Variants in SPECC1 observed in about 807,000 individuals in gnomAD.
SPECC1 encodes sperm antigen with calponin homology and coiled-coil domains 1.
In SPECC1, 62 loss-of-function variants were observed where a neutral mutation model predicts 104.1. The observed-to-expected ratio is 0.60, with a 90% CI of 0.49 to 0.74. The LOEUF is 0.74. SPECC1 is among the 30% of genes least tolerant of loss of function. The probability of loss-of-function intolerance (pLI) is 0.00; values close to 1 mark genes in which losing one functional copy is unlikely to be tolerated. For synonymous variants in SPECC1, 513 were observed against 501.6 expected (o/e 1.02, Z -0.30); for missense variants, 1,306 against 1,310.5 (o/e 1.00, Z 0.05).
intron 7 of SPECC1, among the ~76,000 whole-genome samples, chr17:20,240,691 A>G (rs148507611): frequency 6.6e-6 from 1 of 152,198 alleles, no homozygotes; most frequent in African/African-American, 2.4e-5. Context: ...GGTTTATGTC[A>G]TCCACATTCA....
At chr17:20,303,728 G>A (rs1458113518) in intron 13 of SPECC1, among the ~76,000 whole-genome samples, 6 of 151,876 alleles carry the variant, frequency 4.0e-5, no homozygotes, top group Non-Finnish European at 7.4e-5. Flanking sequence ...TTTGACAGGC[G>A]GATCACCTGA....
chr17:20,114,447 C>G (rs1376384975), intron 3 of SPECC1, among the ~76,000 whole-genome samples: 1 of 152,056 alleles, frequency 6.6e-6, no homozygotes, highest in African/African-American at 2.4e-5. Context: ...GCCTTAGCCT[C>G]CCAAAGTGCT....
chr17:20,304,097 C>T (rs933142709), intron 13 of SPECC1, among the ~76,000 whole-genome samples: 80 of 131,346 alleles, frequency 6.1e-4, no homozygotes, highest in Middle Eastern at 4.1e-3. Context: ...CATGACGAAA[C>T]CCCTTCTCTA....
intron 1 of SPECC1, among the ~76,000 whole-genome samples, chr17:20,018,458 A>G (rs1567795614): frequency 6.6e-6 from 1 of 152,220 alleles, no homozygotes; most frequent in Non-Finnish European, 1.5e-5. Flanking sequence ...TGGCGCAGTC[A>G]TAGGTCACTG....
rs58071050 is a variant in SPECC1, at chr17:20,251,224, C to CAAAAAAAAAAAA, written c.2599-2275_2599-2264dup. Among the ~76,000 whole-genome samples the CAAAAAAAAAAAA allele has an allele frequency of 1.5e-3, 74 of 51,006 alleles. 10 individuals are homozygous for CAAAAAAAAAAAA. Among genetic ancestry groups the CAAAAAAAAAAAA allele is most frequent in the African/African-American group, 5.2e-3 (55 of 10,496 alleles). 33.5% of individuals were successfully genotyped at this position (51,006 alleles called of 152,430 possible). A position where few individuals can be genotyped will look rare whatever the true frequency, so the allele number is the denominator to read the frequency against. On this transcript the variant is annotated intron_variant, in intron 9 of 14. Coordinates refer to ENST00000395527, the MANE Select transcript of SPECC1 (RefSeq NM_001243439.2). ...TGGGCGACAGAGTAAGACTCTATCT[C>CAAAAAAAAAAAA]AAAAAAAAAAAAAAAAAGCATATGG...
chr17:20,126,041 T>G (rs775644091), intron 3 of SPECC1, among the ~76,000 whole-genome samples: 6 of 152,180 alleles, frequency 3.9e-5, no homozygotes, highest in Non-Finnish European at 7.3e-5. Flanking sequence ...GTGCCTGTGG[T>G]ATAGACAGTG....
chr17:20,194,321 AC>A (rs59206228), intron 3 of SPECC1, among the ~76,000 whole-genome samples: 37,722 of 151,600 alleles, frequency 0.25, 5,883 homozygotes, highest in African/African-American at 0.45. Context: ...TTCTTTACTT[AC>A]CCCAAGTCAG....
At chr17:20,082,962 G>A (rs905399001) in intron 1 of SPECC1, among the ~76,000 whole-genome samples, 1 of 28,636 alleles carries the variant, frequency 3.5e-5, no homozygotes, top group East Asian at 5.1e-4. Flanking sequence ...TTTGGTGTTC[G>A]TTCGTTCGTT....
intron 3 of SPECC1, among the ~76,000 whole-genome samples, chr17:20,150,996 TC>T (rs945890012): frequency 9.9e-5 from 15 of 152,202 alleles, no homozygotes; most frequent in Non-Finnish European, 1.9e-4. Flanking sequence ...ATCTTTATAT[TC>T]AGTGAAGTTC....
chr17:20,094,527 A>G (rs1319991097), intron 1 of SPECC1, among the ~76,000 whole-genome samples: 1 of 152,062 alleles, frequency 6.6e-6, no homozygotes, highest in African/African-American at 2.4e-5. Flanking sequence ...TTTCATCTCT[A>G]TATTTTTCTC....
chr17:20,119,243 A>T (rs1005364052), intron 3 of SPECC1, among the ~76,000 whole-genome samples: 3 of 152,084 alleles, frequency 2.0e-5, no homozygotes, highest in Admixed American at 6.6e-5. Context: ...TTATTTTTTT[A>T]AATTTATTTT....
chr17:20,217,672 A>G (rs902040243), intron 4 of SPECC1, among the ~76,000 whole-genome samples: 10 of 152,204 alleles, frequency 6.6e-5, no homozygotes, highest in Admixed American at 5.2e-4. Flanking sequence ...GCAAGACTCA[A>G]AAGCCACCTT....
intron 2 of SPECC1, among the ~76,000 whole-genome samples, chr17:20,108,400 C>G (rs1295991697): frequency 2.0e-5 from 3 of 152,118 alleles, no homozygotes; most frequent in Non-Finnish European, 4.4e-5. Context: ...CTATAAAGCT[C>G]ATTGCATGTT....
chr17:20,306,060 G>A lies in SPECC1; in HGVS notation c.3095G>A (p.Ser1032Asn). 1 of 1,613,992 alleles carries A rather than the reference G, an allele frequency of 6.2e-7. No individual in the cohort carries two copies. Among genetic ancestry groups the A allele is most frequent in the Non-Finnish European group, 8.5e-7 (1 of 1,179,982 alleles). The stretch of plus-strand genomic sequence containing the variant: ...TTGTTGGCATTTGAAGCGGCTGAAA[G>A]TGTAGGCATCAAACCCAGCCTGGTA... ...NLLLAFEAAE[S>N]VGIKPSLELS... The change falls in exon 14 of 15, where the codon AGT (serine) becomes AAT (asparagine). Residue 1032 changes from serine (S) to asparagine (N), a missense_variant. This residue lies in a region of SPECC1 where 129 missense variants were observed against 170.6 expected (regional missense o/e 0.76). Coordinates refer to ENST00000395527, the MANE Select transcript of SPECC1 (RefSeq NM_001243439.2).
At chr17:20,135,373 G>A (rs758852881) in intron 3 of SPECC1, among the ~76,000 whole-genome samples, 2 of 152,144 alleles carry the variant, frequency 1.3e-5, no homozygotes, top group Non-Finnish European at 2.9e-5. Context: ...ATCCCAAAAG[G>A]CAGCCCCTTT....
intron 1 of SPECC1, among the ~76,000 whole-genome samples, chr17:20,075,803 T>TC: frequency 6.6e-6 from 1 of 152,042 alleles, no homozygotes; most frequent in South Asian, 2.1e-4. Context: ...AAACACAAGC[T>TC]AAGTGTGGCG....
chr17:20,304,950 A>G lies in SPECC1; in HGVS notation c.3058-1073A>G, dbSNP rs1489822509. On this transcript the variant is annotated intron_variant, in intron 13 of 14. Coordinates refer to ENST00000395527, the MANE Select transcript of SPECC1 (RefSeq NM_001243439.2). ...GAAGGAGGCACAAAGCCCCCCTCCCAGTAAGGAAAACCCCAAACAAGCAGA... is the reference window on the plus strand; with the variant it reads ...GAAGGAGGCACAAAGCCCCCCTCCCGGTAAGGAAAACCCCAAACAAGCAGA... 2.0e-5 allele frequency among the ~76,000 whole-genome samples: 3 copies of G among 152,082 alleles called. No homozygotes were observed. In the East Asian group the frequency reaches 5.8e-4, roughly 29 times the overall value.
Position 20,227,562 on chromosome 17 carries a change from G to T in SPECC1, c.2013G>T (p.Gln671His). 6.2e-7 allele frequency: 1 copy of T among 1,612,640 alleles called. No individual in the cohort carries two copies. Among genetic ancestry groups the T allele is most frequent in the Non-Finnish European group, 8.5e-7 (1 of 1,179,682 alleles). The change falls in exon 5 of 15, where the codon CAG becomes CAT. Residue 671 changes from glutamine (Q) to histidine (H), a missense_variant. Coordinates refer to ENST00000395527, the MANE Select transcript of SPECC1 (RefSeq NM_001243439.2). ...MKETIFELED[Q>H]VEQHRAVKLH... Reference sequence around the variant, plus strand: ...AAACCATATTTGAATTGGAAGATCAGGTGGAACAGCACCGGGCTGTCAAGT... The same window carrying T: ...AAACCATATTTGAATTGGAAGATCATGTGGAACAGCACCGGGCTGTCAAGT...
At chr17:20,255,749 G>A (rs1038629473) in intron 10 of SPECC1, among the ~76,000 whole-genome samples, 6 of 152,074 alleles carry the variant, frequency 3.9e-5, no homozygotes, top group Admixed American at 3.9e-4. Context: ...AATTTTGTGG[G>A]GGGATAGAGA....
Sources: gnomAD v4.1 joint callset for allele counts (sites outside exome capture counted in the v4.1 genomes callset) on GRCh38, gnomAD v4.1.1 for gene constraint, gnomAD v4.1.1 regional missense constraint, MANE v1.5 for transcripts, NCBI Gene and HGNC (gene_info 2026-07-23, HGNC 2026-07-21) for gene names.